Variants in SEC31A observed in about 807,000 individuals in gnomAD.
SEC31A encodes SEC31 homolog A, COPII component, also known as protein transport protein Sec31A.
Under a neutral mutation model 151.0 loss-of-function variants are expected in SEC31A, and 70 were observed. That is an observed-to-expected ratio of 0.46 (90% CI 0.38 to 0.57). The LOEUF (loss-of-function observed/expected upper bound fraction) is 0.57, where lower values mean the gene tolerates loss of function less well. Ranked by LOEUF, SEC31A falls within the 20% of genes least tolerant of loss-of-function variation. The probability of loss-of-function intolerance (pLI) is 0.00; values close to 1 mark genes in which losing one functional copy is unlikely to be tolerated. For missense variants in SEC31A, 1,330 were observed against 1,471.2 expected (o/e 0.90, Z 1.57); for synonymous variants, 475 against 505.9 (o/e 0.94, Z 0.82).
At chr4:82,891,609 G>A (rs527565697), upstream of SEC31A, among the ~76,000 whole-genome samples, 2 of 152,324 alleles carry the variant, frequency 1.3e-5, no homozygotes, top group South Asian at 4.1e-4. Flanking sequence ...TTGTGACTGA[G>A]TTCTTAAAAT....
At chr4:82,841,826 G>GC (rs1939880415) in intron 22 of SEC31A, among the ~76,000 whole-genome samples, 2 of 150,948 alleles carry the variant, frequency 1.3e-5, no homozygotes, top group African/African-American at 4.9e-5. Flanking sequence ...ACAAAAATTA[G>GC]CCAGGTGTGG....
At chr4:82,880,730 T>C (rs556116304) in intron 3 of SEC31A, 69 bp downstream of exon 3, 6 of 1,328,542 alleles carry the variant, frequency 4.5e-6, no homozygotes, top group Admixed American at 4.5e-5. Flanking sequence ...GGCATAATTA[T>C]AGACAAATTA....
intron 14 of SEC31A, among the ~76,000 whole-genome samples, chr4:82,859,670 A>G (rs990709052): frequency 6.6e-6 from 1 of 152,210 alleles, no homozygotes; most frequent in South Asian, 2.1e-4. Context: ...CCTTTCCCCA[A>G]CTAAAGAGAA....
At chr4:82,861,608 T>C (rs768416070) in intron 14 of SEC31A, 23 bp downstream of exon 14, 2 of 1,525,504 alleles carry the variant, frequency 1.3e-6, no homozygotes, top group Non-Finnish European at 1.8e-6. Flanking sequence ...TTGTCCAATA[T>C]AATATGAAAA....
At chr4:82,847,818 A>G (rs1730573530) in intron 20 of SEC31A, among the ~76,000 whole-genome samples, 1 of 152,182 alleles carries the variant, frequency 6.6e-6, no homozygotes, top group South Asian at 2.1e-4. Flanking sequence ...CAGGGTCTTA[A>G]AAAAATATTT....
intron 22 of SEC31A, among the ~76,000 whole-genome samples, chr4:82,839,933 A>C (rs1409233981): frequency 6.6e-6 from 1 of 152,248 alleles, no homozygotes; most frequent in Non-Finnish European, 1.5e-5. Context: ...TTTAATTTAG[A>C]TTATAAAGTA....
At chr4:82,823,510 T>G (rs1455560502) in intron 25 of SEC31A, among the ~76,000 whole-genome samples, 1 of 152,220 alleles carries the variant, frequency 6.6e-6, no homozygotes, top group Non-Finnish European at 1.5e-5. Context: ...GCTGCACATA[T>G]TAATACTCAA....
intron 3 of SEC31A, among the ~76,000 whole-genome samples, chr4:82,879,614 A>G (rs552824161): frequency 1.3e-5 from 2 of 152,294 alleles, no homozygotes; most frequent in African/African-American, 4.8e-5. Flanking sequence ...TACTAGACAA[A>G]AGGTATCTGG....
At position 82,827,413 on chromosome 4, in the gene SEC31A, T is replaced by G; in HGVS notation, c.3247A>C (p.Asn1083His). The G allele has an allele frequency of 9.3e-6, 15 of 1,614,218 alleles. No homozygotes were observed. Among genetic ancestry groups the G allele is most frequent in the Non-Finnish European group, 1.3e-5 (15 of 1,180,028 alleles). ...GGAGCCCCTGGGGCACCTTCAATATTGGGCTTTGAAAAAGATGGTGGCATG... is the reference window on the plus strand; with the variant it reads ...GGAGCCCCTGGGGCACCTTCAATATGGGGCTTTGAAAAAGATGGTGGCATG... The part of the protein sequence containing the change: ...TGMPPSFSKP[N>H]IEGAPGAPIG... Residue 1083 changes from asparagine to histidine, a missense_variant, in exon 24 of 27, where the codon AAT becomes CAT. By Grantham distance (68) the Asn-to-His change is moderately conservative (BLOSUM62 1). Coordinates refer to ENST00000395310, the MANE Select transcript of SEC31A (RefSeq NM_001077207.4).
At chr4:82,834,418 T>C (rs1328785785) in intron 22 of SEC31A, among the ~76,000 whole-genome samples, 1 of 152,190 alleles carries the variant, frequency 6.6e-6, no homozygotes, top group Non-Finnish European at 1.5e-5. Flanking sequence ...TCACCAACTA[T>C]TAGCAGCACA....
Position 82,847,174 on chromosome 4 carries a change from A to G in SEC31A, c.2502+1630T>C, listed in dbSNP as rs549873761. Among the ~76,000 whole-genome samples, 125 of 152,306 alleles carry G rather than the reference A, an allele frequency of 8.2e-4. 3 individuals are homozygous for G. Among genetic ancestry groups the G allele is most frequent in the Non-Finnish European group, 1.3e-4 (9 of 68,028 alleles). On this transcript the variant is annotated intron_variant, in intron 20 of 26. Transcript: ENST00000395310. ...AAGTCATAGATTTTCAACTGTACGC[A>G]GGGTCGGTACCCCTAACCCACATGG...
At position 82,862,548 on chromosome 4, in the gene SEC31A, C is replaced by A; in HGVS notation, c.1534G>T (p.Asp512Tyr). The A allele has an allele frequency of 6.2e-7, 1 of 1,613,784 alleles. No homozygotes were observed. The highest frequency in any genetic ancestry group is 2.2e-5 in the East Asian group (1 of 44,854). The change falls in exon 13 of 27, where the codon GAT becomes TAT. Residue 512 changes from aspartate to tyrosine, a missense_variant. Coordinates refer to ENST00000395310, the MANE Select transcript of SEC31A (RefSeq NM_001077207.4). ...KKIALALNKV[D>Y]GANVALKDSD... ...GGCCTTCTTACCACATTGGCTCCAT[C>A]CACTTTGTTCAAGGCCAAAGCAATC...
chr4:82,865,136 G>A (rs1735024117), intron 10 of SEC31A, among the ~76,000 whole-genome samples: 1 of 152,148 alleles, frequency 6.6e-6, no homozygotes, highest in South Asian at 2.1e-4. Flanking sequence ...CTTGGAATAT[G>A]TAGTAGAGAT....
Position 82,843,371 on chromosome 4 carries a change from C to T in SEC31A, c.2627-890G>A, listed in dbSNP as rs915380051. Among the ~76,000 whole-genome samples, 4 of 152,176 alleles carry T rather than the reference C, an allele frequency of 2.6e-5. No homozygotes were observed. The East Asian group carries it at 7.7e-4, about 29-fold the overall frequency. On this transcript the variant is annotated intron_variant, in intron 21 of 26. Transcript: ENST00000395310. ...CAGGCTGGGGTCAAACTCTTCACCTCAAGCAATCCTCCTAACTTCAGCCTC... is the reference window on the plus strand; with the variant it reads ...CAGGCTGGGGTCAAACTCTTCACCTTAAGCAATCCTCCTAACTTCAGCCTC...
intron 19 of SEC31A, 136 bp downstream of exon 19, chr4:82,851,295 A>G (rs1335010683): frequency 3.1e-6 from 2 of 638,884 alleles, no homozygotes; most frequent in Non-Finnish European, 5.4e-6. Flanking sequence ...TGTCAATAAC[A>G]TTTACCTGCA....
intron 1 of SEC31A, 109 bp downstream of exon 1, chr4:82,890,979 G>C: frequency 2.7e-6 from 4 of 1,491,066 alleles, no homozygotes; most frequent in Non-Finnish European, 3.6e-6. Context: ...CCGGGCCTCA[G>C]GCTGGTGCGG....
At chr4:82,900,545 C>A, upstream of SEC31A, 1 of 527,974 alleles carries the variant, frequency 1.9e-6, no homozygotes, top group Non-Finnish European at 3.4e-6. Flanking sequence ...CCGCCTCCAA[C>A]GCGGAGGGAG....
chr4:82,889,389 T>C lies in SEC31A; in HGVS notation c.-5+1699A>G, dbSNP rs972789268. On this transcript the variant is annotated intron_variant, in intron 1 of 26. Coordinates refer to ENST00000395310, the MANE Select transcript of SEC31A (RefSeq NM_001077207.4). ...GAACGCAGTGAGACCCCCATCTCTA[T>C]AAAAAATAAGATTAGTTGGGCGTGC... 2.6e-5 allele frequency among the ~76,000 whole-genome samples: 4 copies of C among 152,026 alleles called. No homozygotes were observed. The South Asian group carries it at 8.3e-4, about 32-fold the overall frequency.
At chr4:82,874,066 G>A (rs182646166) in intron 6 of SEC31A, among the ~76,000 whole-genome samples, 10 of 152,236 alleles carry the variant, frequency 6.6e-5, no homozygotes, top group Admixed American at 2.0e-4. Context: ...TTGGGAGGCC[G>A]AGGCAGGCAG....
Sources: allele counts gnomAD v4.1 joint callset (sites outside exome capture counted in the v4.1 genomes callset), GRCh38; gene constraint gnomAD v4.1.1; transcripts MANE v1.5; gene names NCBI Gene and HGNC (gene_info 2026-07-23, HGNC 2026-07-21).